Variants in NKAIN2 observed in about 807,000 individuals in gnomAD.
NKAIN2 encodes the protein sodium/potassium-transporting ATPase subunit beta-1-interacting protein 2.
A neutral mutation model predicts 32.6 loss-of-function variants in NKAIN2; 14 were observed. The observed-to-expected ratio is 0.43, with a 90% CI of 0.28 to 0.67. The LOEUF is 0.67. Among genes scored for constraint, NKAIN2 ranks in the 30% least tolerant of loss-of-function variants. The probability of loss-of-function intolerance (pLI) is 0.17; values close to 1 mark genes in which losing one functional copy is unlikely to be tolerated. For synonymous variants in NKAIN2, 80 were observed against 87.2 expected (o/e 0.92, Z 0.46); for missense variants, 198 against 258.3 (o/e 0.77, Z 1.60).
At chr6:124,604,542 T>C (rs1782426902) in intron 3 of NKAIN2, among the ~76,000 whole-genome samples, 1 of 151,870 alleles carries the variant, frequency 6.6e-6, no homozygotes, top group Non-Finnish European at 1.5e-5. Context: ...AATAGATGAA[T>C]TTATTAGATC....
At chr6:124,774,510 T>C (rs1324184732) in intron 4 of NKAIN2, among the ~76,000 whole-genome samples, 1 of 152,112 alleles carries the variant, frequency 6.6e-6, no homozygotes, top group Non-Finnish European at 1.5e-5. Context: ...TAAGACGTTC[T>C]GAGGGGAGAT....
intron 3 of NKAIN2, among the ~76,000 whole-genome samples, chr6:124,579,573 C>T (rs533691): frequency 0.93 from 141,978 of 152,204 alleles, 67,054 homozygotes; most frequent in East Asian, 1. Context: ...TAAGCCCACC[C>T]ACCAGATCTA....
At chr6:124,131,786 G>A (rs1786491904) in intron 1 of NKAIN2, among the ~76,000 whole-genome samples, 1 of 152,146 alleles carries the variant, frequency 6.6e-6, no homozygotes, top group Non-Finnish European at 1.5e-5. Flanking sequence ...GTTCCTTGGG[G>A]TAGGCAACCA....
intron 1 of NKAIN2, among the ~76,000 whole-genome samples, chr6:124,049,972 T>C (rs1041405909): frequency 3.9e-5 from 6 of 151,982 alleles, no homozygotes; most frequent in Non-Finnish European, 5.9e-5. Flanking sequence ...AAAAAAAACA[T>C]ATGCCGAGTT....
chr6:124,466,958 A>G (rs1776784463), intron 3 of NKAIN2, among the ~76,000 whole-genome samples: 1 of 152,114 alleles, frequency 6.6e-6, no homozygotes, highest in Non-Finnish European at 1.5e-5. Context: ...TGTGGATAAT[A>G]ATGCCCTTTT....
At chr6:124,731,626 G>T (rs1776679463) in intron 4 of NKAIN2, among the ~76,000 whole-genome samples, 1 of 150,612 alleles carries the variant, frequency 6.6e-6, no homozygotes, top group Admixed American at 6.6e-5. Context: ...GAGTTAGTGG[G>T]TGCAGTGCAC....
At chr6:124,760,447 A>G (rs1307344719) in intron 4 of NKAIN2, among the ~76,000 whole-genome samples, 2 of 148,224 alleles carry the variant, frequency 1.3e-5, no homozygotes, top group Admixed American at 1.4e-4. Context: ...TCTCCTCTTG[A>G]GCCAGATTCC....
At chr6:124,490,412 G>GTTTT (rs3052658) in intron 3 of NKAIN2, 8,140 of 309,820 alleles carry the variant, frequency 0.026, 71 homozygotes, top group Admixed American at 0.054. Flanking sequence ...AATCATAGAG[G>GTTTT]TTTTTTTTTT....
At position 124,167,268 on chromosome 6, in the gene NKAIN2, C is replaced by G. The variant is rs867847148; in HGVS notation, c.55-115737C>G. Among the ~76,000 whole-genome samples the G allele has an allele frequency of 3.1e-3, 468 of 150,710 alleles. 1 individual carries two copies. Among genetic ancestry groups the G allele is most frequent in the African/African-American group, 0.011 (448 of 41,054 alleles). ...AAGTTGGATTCCTAGGTATTTTATT[C>G]TCTTTGAAGCAATTGTGAATGGGAG... On this transcript the variant is annotated intron_variant, in intron 1 of 6. Coordinates refer to ENST00000368417, the MANE Select transcript of NKAIN2 (RefSeq NM_001040214.3).
chr6:124,295,296 T>C (rs979861769), intron 2 of NKAIN2, among the ~76,000 whole-genome samples: 1 of 107,464 alleles, frequency 9.3e-6, no homozygotes, highest in Admixed American at 8.2e-5. Context: ...CTTCTCCTTG[T>C]TCTTTTCTTC....
chr6:124,301,261 G>A (rs1437679287), intron 2 of NKAIN2, among the ~76,000 whole-genome samples: 5 of 152,160 alleles, frequency 3.3e-5, no homozygotes, highest in Admixed American at 2.6e-4. Flanking sequence ...TTGAGCCTAC[G>A]GGTGCACAGA....
intron 4 of NKAIN2, among the ~76,000 whole-genome samples, chr6:124,729,991 C>T (rs983454856): frequency 2.1e-5 from 3 of 143,732 alleles, no homozygotes; most frequent in African/African-American, 5.2e-5. Flanking sequence ...ACCTAGGAAT[C>T]CAACTTACAA....
intron 4 of NKAIN2, among the ~76,000 whole-genome samples, chr6:124,783,441 T>G (rs1226394472): frequency 6.6e-6 from 1 of 152,204 alleles, no homozygotes; most frequent in African/African-American, 2.4e-5. Flanking sequence ...TGCAGCAGAA[T>G]ACCTAAAGGC....
intron 3 of NKAIN2, among the ~76,000 whole-genome samples, chr6:124,528,711 G>A (rs2114815263): frequency 6.6e-6 from 1 of 152,236 alleles, no homozygotes; most frequent in South Asian, 2.1e-4. Flanking sequence ...AATCCTTAAA[G>A]TGAAACAATA....
In NKAIN2 at chr6:124,632,698, A is replaced by AGAT. The variant is rs143022603; in HGVS notation, c.274-25487_274-25485dup. 8.0e-3 allele frequency among the ~76,000 whole-genome samples: 1,214 copies of AGAT among 152,312 alleles called. 22 individuals are homozygous for AGAT. The highest frequency in any genetic ancestry group is 0.027 in the African/African-American group (1,103 of 41,576). ...CCTTTGGAAACAATCCAAATGAAAT[A>AGAT]GATACATATACTTAAAAGTGTTTTA... On this transcript the variant is annotated intron_variant, in intron 3 of 6. Coordinates refer to ENST00000368417, the MANE Select transcript of NKAIN2 (RefSeq NM_001040214.3).
chr6:124,407,709 C>T (rs1410424556), intron 3 of NKAIN2, among the ~76,000 whole-genome samples: 25 of 151,626 alleles, frequency 1.6e-4, no homozygotes, highest in Non-Finnish European at 3.1e-4. Context: ...GGGTATATAC[C>T]CAGTAATGAG....
intron 1 of NKAIN2, among the ~76,000 whole-genome samples, chr6:124,039,397 T>C (rs1278651316): frequency 6.6e-6 from 1 of 151,888 alleles, no homozygotes; most frequent in African/African-American, 2.4e-5. Context: ...GTTATATATA[T>C]TTATATATAT....
intron 3 of NKAIN2, among the ~76,000 whole-genome samples, chr6:124,631,387 G>A (rs1200998873): frequency 6.6e-6 from 1 of 152,120 alleles, no homozygotes; most frequent in African/African-American, 2.4e-5. Context: ...GATATCCTGA[G>A]AAGTTTACAT....
intron 3 of NKAIN2, among the ~76,000 whole-genome samples, chr6:124,612,027 C>G: frequency 6.6e-6 from 1 of 151,726 alleles, no homozygotes; most frequent in African/African-American, 2.4e-5. Flanking sequence ...TTTTTAAGCC[C>G]TCTTACTTAG....
Sources: gnomAD v4.1 joint callset for allele counts (sites outside exome capture counted in the v4.1 genomes callset) on GRCh38, gnomAD v4.1.1 for gene constraint, MANE v1.5 for transcripts, NCBI Gene and HGNC (gene_info 2026-07-23, HGNC 2026-07-21) for gene names.